Variants in SMYD4 observed in about 807,000 individuals in gnomAD.
The protein encoded by SMYD4 is protein-lysine N-methyltransferase SMYD4.
A neutral mutation model predicts 72.8 loss-of-function variants in SMYD4; 68 were observed. The observed-to-expected ratio is 0.93, with a 90% CI of 0.77 to 1.14. The LOEUF is 1.14. SMYD4 is among the 50% of genes most tolerant of loss of function. The pLI is 0.00. For missense variants in SMYD4, 984 were observed against 1,003.7 expected (o/e 0.98, Z 0.27); for synonymous variants, 407 against 388.6 (o/e 1.05, Z -0.56).
At position 1,794,411 on chromosome 17, in the gene SMYD4, G is replaced by T. The variant is rs369192429; in HGVS notation, c.1537+5446C>A. 3.3e-5 allele frequency among the ~76,000 whole-genome samples: 5 copies of T among 150,850 alleles called. No individual in the cohort carries two copies. In the South Asian group the frequency reaches 1.0e-3, roughly 32 times the overall value. ...TGGGATTACAGGCCTGAGCCAACAC[G>T]CCCGGCCATCCTTTATCTTCCTAAC... On this transcript the variant is annotated intron_variant, in intron 5 of 10. Coordinates refer to ENST00000305513, the MANE Select transcript of SMYD4 (RefSeq NM_052928.3).
At chr17:1,797,843 AAT>A (rs2151231360) in intron 5 of SMYD4, among the ~76,000 whole-genome samples, 1 of 152,118 alleles carries the variant, frequency 6.6e-6, no homozygotes, top group Admixed American at 6.6e-5. Flanking sequence ...CTCTACTAAA[AAT>A]ACAAAAATTA....
chr17:1,784,986 A>T (rs531797134), intron 7 of SMYD4, among the ~76,000 whole-genome samples: 3 of 146,242 alleles, frequency 2.1e-5, no homozygotes, highest in Non-Finnish European at 4.5e-5. Flanking sequence ...ACGGGGTTTC[A>T]CCGTGTAAGC....
intron 3 of SMYD4, among the ~76,000 whole-genome samples, chr17:1,807,420 C>A (rs555065084): frequency 5.5e-4 from 83 of 151,692 alleles, no homozygotes; most frequent in African/African-American, 1.8e-3. Context: ...CGCGTACCGC[C>A]CCCCCCGGCC....
intron 5 of SMYD4, among the ~76,000 whole-genome samples, chr17:1,794,065 A>ATATATGCGTATATATG (rs1555575715): frequency 5.1e-5 from 3 of 58,312 alleles, no homozygotes; most frequent in African/African-American, 1.8e-4. Flanking sequence ...GTGTATATAT[A>ATATATGCGTATATATG]TGTGTATATA....
rs746329641 is a variant in SMYD4 at position 1,800,287 on chromosome 17, C to T, written c.1107G>A (p.Lys369=). ...GFEDVRKIIT[K]LCDKISNKDI... is the part of the protein sequence containing the mutation. ...CCTTGTTACTAATCTTATCACAAAG[C>T]TTCGTTATGATTTTGCGAACATCCT... Residue 369 remains lysine, a synonymous_variant, in exon 5 of 11, where the codon AAG becomes AAA. Coordinates refer to ENST00000305513, the MANE Select transcript of SMYD4 (RefSeq NM_052928.3). 50 of 1,614,002 alleles carry T rather than the reference C, an allele frequency of 3.1e-5. No individual in the cohort carries two copies. The highest frequency in any genetic ancestry group is 4.2e-5 in the Non-Finnish European group (50 of 1,180,044).
intron 2 of SMYD4, among the ~76,000 whole-genome samples, chr17:1,817,456 C>G (rs1910668390): frequency 6.6e-6 from 1 of 152,086 alleles, no homozygotes; most frequent in African/African-American, 2.4e-5. Context: ...ATCCTCCCAC[C>G]TCAGCTTCCT....
Position 1,787,474 on chromosome 17 carries a change from G to T in SMYD4, c.1668C>A (p.Thr556=). The change falls in exon 6 of 11, where the codon ACC becomes ACA. Residue 556 remains threonine (T), a synonymous_variant. Transcript: ENST00000305513. ...TTCTAATCCGCTGTGACGCCCGGATGGTGGCGACAGTGCTAATGAAGGACA... is the reference window on the plus strand; with the variant it reads ...TTCTAATCCGCTGTGACGCCCGGATTGTGGCGACAGTGCTAATGAAGGACA... ...TSVSFISTVA[T]IRASQRIRKG... 6.4e-7 allele frequency: 1 copy of T among 1,568,336 alleles called. No individual in the cohort carries two copies. Among genetic ancestry groups the T allele is most frequent in the East Asian group, 2.3e-5 (1 of 42,698 alleles).
chr17:1,790,671 C>T (rs1303076590), intron 5 of SMYD4, among the ~76,000 whole-genome samples: 1 of 151,954 alleles, frequency 6.6e-6, no homozygotes, highest in African/African-American at 2.4e-5. Flanking sequence ...CGCCCATCAC[C>T]ACACTCAGCT....
intron 4 of SMYD4, among the ~76,000 whole-genome samples, chr17:1,804,102 C>T (rs918981025): frequency 2.0e-5 from 3 of 151,326 alleles, no homozygotes; most frequent in Admixed American, 6.6e-5. Flanking sequence ...GTCTTGAACT[C>T]CAGACCTCAT....
rs530674372 is a variant in SMYD4 at position 1,783,465 on chromosome 17, G to A, written c.2032C>T (p.Gln678Ter). The A allele has an allele frequency of 6.2e-7, 1 of 1,608,692 alleles. No homozygotes were observed. Among genetic ancestry groups the A allele is most frequent in the African/African-American group, 1.3e-5 (1 of 74,836 alleles). The stretch of plus-strand genomic sequence containing the variant: ...TCACGCTGGCACCCCGACAGCCGCT[G>A]AACAGCTCGCTCTGTCAATGCAGAG... ...LRDGELERAVQRLSGCQRDAE... is the reference protein window; with the variant it reads ...LRDGELERAV Residue 678 changes from glutamine to a stop codon, truncating the protein, a stop_gained, in exon 9 of 11, where the codon CAG becomes TAG. Transcript: ENST00000305513. LOFTEE classifies it high-confidence loss of function.
Position 1,828,021 on chromosome 17 carries a change from A to C in SMYD4, c.-12-15T>G. The C allele has an allele frequency of 6.3e-7, 1 of 1,590,814 alleles. No homozygotes were observed. The highest frequency in any genetic ancestry group is 1.7e-5 in the Admixed American group (1 of 59,490). ...CTGCTTTTGATCTATAAAATGAGTA[A>C]GAAAATAGGAATCTTACAAATGCAC... On this transcript the variant is annotated splice_polypyrimidine_tract_variant and intron_variant, in intron 1 of 10. Coordinates refer to ENST00000305513, the MANE Select transcript of SMYD4 (RefSeq NM_052928.3).
chr17:1,815,813 C>T (rs1457922542), intron 2 of SMYD4, among the ~76,000 whole-genome samples: 1 of 151,900 alleles, frequency 6.6e-6, no homozygotes, highest in African/African-American at 2.4e-5. Flanking sequence ...GATTCTCCTG[C>T]CTCAGCCTCC....
chr17:1,802,495 T>TA (rs535964492), intron 4 of SMYD4, among the ~76,000 whole-genome samples: 150 of 149,838 alleles, frequency 1.0e-3, no homozygotes, highest in Middle Eastern at 3.4e-3. Context: ...GTCTCAAAAA[T>TA]AAAAAAAAAT....
chr17:1,817,324 C>T (rs1910658071), intron 2 of SMYD4, among the ~76,000 whole-genome samples: 1 of 151,972 alleles, frequency 6.6e-6, no homozygotes, highest in Non-Finnish European at 1.5e-5. Flanking sequence ...AGGCGTGAGC[C>T]ACCGCGCCTG....
intron 2 of SMYD4, among the ~76,000 whole-genome samples, chr17:1,823,329 G>A (rs1182123463): frequency 2.1e-5 from 3 of 146,236 alleles, no homozygotes; most frequent in Non-Finnish European, 4.5e-5. Flanking sequence ...AGGAGGCAGA[G>A]CTTGCAGTGA....
At chr17:1,813,695 G>A (rs1411811122) in intron 2 of SMYD4, among the ~76,000 whole-genome samples, 2 of 152,084 alleles carry the variant, frequency 1.3e-5, no homozygotes, top group Non-Finnish European at 2.9e-5. Context: ...GATCACAGGT[G>A]TGAGCCACTG....
At chr17:1,820,769 T>G (rs112411362) in intron 2 of SMYD4, among the ~76,000 whole-genome samples, 9 of 152,298 alleles carry the variant, frequency 5.9e-5, no homozygotes, top group African/African-American at 2.2e-4. Flanking sequence ...AGGTTTTCAA[T>G]AGATGAAAGG....
chr17:1,811,512 C>A (rs1329198290), intron 3 of SMYD4, among the ~76,000 whole-genome samples: 1 of 152,186 alleles, frequency 6.6e-6, no homozygotes, highest in Non-Finnish European at 1.5e-5. Flanking sequence ...CAGACTATAA[C>A]CACAGCAGAA....
intron 3 of SMYD4, among the ~76,000 whole-genome samples, chr17:1,806,152 C>T (rs1185578044): frequency 3.9e-5 from 6 of 151,932 alleles, no homozygotes; most frequent in African/African-American, 7.3e-5. Flanking sequence ...GTCTCGATCT[C>T]GTGACCTCGT....
Sources: gnomAD v4.1 joint callset for allele counts (sites outside exome capture counted in the v4.1 genomes callset) on GRCh38, gnomAD v4.1.1 for gene constraint, MANE v1.5 for transcripts, NCBI Gene and HGNC (gene_info 2026-07-23, HGNC 2026-07-21) for gene names.